WWOX: variants seen among roughly 807,000 people sequenced by gnomAD.
WWOX encodes the protein WW domain-containing oxidoreductase.
In WWOX, 69 loss-of-function variants were observed where a neutral mutation model predicts 46.2. The observed-to-expected ratio is 1.49, with a 90% confidence interval of 1.23 to 1.82. The LOEUF (loss-of-function observed/expected upper bound fraction) is 1.82, where lower values mean the gene tolerates loss of function less well. Ranked by LOEUF, WWOX falls within the 40% of genes most tolerant of loss-of-function variation. The pLI is 0.00. For missense variants in WWOX, 919 were observed against 542.6 expected (o/e 1.69, Z -6.89); for synonymous variants, 359 against 202.6 (o/e 1.77, Z -6.56).
At chr16:79,164,978 A>G (rs2050562691) in intron 8 of WWOX, among the ~76,000 whole-genome samples, 1 of 152,156 alleles carries the variant, frequency 6.6e-6, no homozygotes, top group Admixed American at 6.5e-5. Flanking sequence ...ATTCATGTAT[A>G]AACAGTAAGT....
chr16:78,998,693 C>T (rs1325042131), intron 8 of WWOX, among the ~76,000 whole-genome samples: 1 of 152,202 alleles, frequency 6.6e-6, no homozygotes, highest in Non-Finnish European at 1.5e-5. Context: ...GCATGAAGGA[C>T]TCTTTCATTA....
In WWOX at chr16:78,738,819, G is replaced by T. The variant is rs897184458; in HGVS notation, c.1056+306067G>T. ...TTGACCACAAAGCCACAGTCTCCTA[G>T]TCCTAATATTAAGAGGTAGGAGGTA... On this transcript the variant is annotated intron_variant, in intron 8 of 8. Coordinates refer to ENST00000566780, the MANE Select transcript of WWOX (RefSeq NM_016373.4). Among the ~76,000 whole-genome samples, 3 of 152,144 alleles carry T rather than the reference G, an allele frequency of 2.0e-5. No homozygotes were observed. The South Asian group carries it at 6.2e-4, about 32-fold the overall frequency.
At chr16:78,542,006 A>T (rs1156566508) in intron 8 of WWOX, among the ~76,000 whole-genome samples, 1 of 138,796 alleles carries the variant, frequency 7.2e-6, no homozygotes, top group East Asian at 2.4e-4. Flanking sequence ...GGTTTCTTTC[A>T]ACAGAGTATA....
At chr16:79,158,778 C>T (rs986852789) in intron 8 of WWOX, among the ~76,000 whole-genome samples, 1 of 152,216 alleles carries the variant, frequency 6.6e-6, no homozygotes, top group Non-Finnish European at 1.5e-5. Flanking sequence ...TCCTCCAGTT[C>T]TCAGCACTGT....
intron 5 of WWOX, among the ~76,000 whole-genome samples, chr16:78,241,894 C>T (rs372972327): frequency 7.9e-5 from 12 of 152,170 alleles, no homozygotes; most frequent in South Asian, 2.1e-4. Context: ...GGCAGCGTCA[C>T]GTAGTAGCCC....
intron 5 of WWOX, among the ~76,000 whole-genome samples, chr16:78,197,819 G>T (rs553504663): frequency 1.3e-5 from 2 of 152,252 alleles, no homozygotes; most frequent in Admixed American, 6.5e-5. Flanking sequence ...CTTGCCCGAG[G>T]CCACGCTGCT....
At chr16:78,390,213 C>G (rs1395572819) in intron 6 of WWOX, among the ~76,000 whole-genome samples, 1 of 152,192 alleles carries the variant, frequency 6.6e-6, no homozygotes, top group African/African-American at 2.4e-5. Flanking sequence ...TAACTTTGTC[C>G]AGTTCCTCTG....
intron 8 of WWOX, among the ~76,000 whole-genome samples, chr16:78,497,022 CAA>C (rs1333350007): frequency 2.0e-5 from 3 of 152,204 alleles, no homozygotes; most frequent in Non-Finnish European, 1.5e-5. Context: ...TGGAGGAAGG[CAA>C]AGTCAGAAAT....
At chr16:78,099,913 C>T (rs757412061) in intron 1 of WWOX, 28 bp downstream of exon 1, 46 of 1,549,962 alleles carry the variant, frequency 3.0e-5, no homozygotes, top group Non-Finnish European at 3.8e-5. Context: ...GGGCCGCGGA[C>T]GCACCTGGGA....
At chr16:79,167,130 C>A (rs146703074) in intron 8 of WWOX, among the ~76,000 whole-genome samples, 2 of 151,994 alleles carry the variant, frequency 1.3e-5, no homozygotes, top group African/African-American at 4.8e-5. Context: ...TTATTAGAGA[C>A]GGGGTTTTGC....
At chr16:78,225,742 CTG>C (rs1176702584) in intron 5 of WWOX, among the ~76,000 whole-genome samples, 1 of 152,152 alleles carries the variant, frequency 6.6e-6, no homozygotes, top group African/African-American at 2.4e-5. Context: ...ATTAAGAAAA[CTG>C]TGCTTCAATG....
chr16:79,061,298 A>G (rs974051612), intron 8 of WWOX, among the ~76,000 whole-genome samples: 2 of 152,206 alleles, frequency 1.3e-5, no homozygotes, highest in African/African-American at 2.4e-5. Flanking sequence ...GCTTAGTAGT[A>G]TCTTATTATA....
At chr16:78,891,724 G>C (rs1025893796) in intron 8 of WWOX, 1 of 152,152 alleles carries the variant, frequency 6.6e-6, no homozygotes, top group Admixed American at 6.5e-5. Context: ...GGTCAAGAAA[G>C]AGTCTCAGAT....
chr16:78,453,548 G>A (rs1009070468), intron 8 of WWOX, among the ~76,000 whole-genome samples: 5 of 152,180 alleles, frequency 3.3e-5, no homozygotes, highest in African/African-American at 9.7e-5. Flanking sequence ...GTTTGTTCAA[G>A]TTATATTGTG....
intron 8 of WWOX, chr16:78,898,914 TG>T (rs1239261604): frequency 1.3e-5 from 2 of 152,174 alleles, no homozygotes; most frequent in East Asian, 3.8e-4. Flanking sequence ...TCCAACTGTT[TG>T]TTTCTAATAT....
chr16:78,473,326 C>T (rs1024055659), intron 8 of WWOX, among the ~76,000 whole-genome samples: 2 of 152,170 alleles, frequency 1.3e-5, no homozygotes, highest in Admixed American at 1.3e-4. Flanking sequence ...GACAGGATTT[C>T]ACCATGTTGG....
chr16:78,987,551 C>T (rs1047142677), intron 8 of WWOX, among the ~76,000 whole-genome samples: 49 of 152,022 alleles, frequency 3.2e-4, no homozygotes, highest in Non-Finnish European at 6.5e-4. Context: ...TTAAAGCTTT[C>T]CTATAAAATA....
At chr16:78,939,718 A>G (rs1448922926) in intron 8 of WWOX, among the ~76,000 whole-genome samples, 2 of 152,250 alleles carry the variant, frequency 1.3e-5, no homozygotes, top group African/African-American at 4.8e-5. Context: ...ACCCAAGTCT[A>G]CTGGGAAAAA....
Position 78,517,300 on chromosome 16 carries a change from A to T in WWOX, c.1056+84548A>T, listed in dbSNP as rs566202069. Among the ~76,000 whole-genome samples the T allele has an allele frequency of 4.0e-4, 61 of 151,900 alleles. No individual in the cohort carries two copies. In the South Asian group the frequency reaches 0.013, roughly 32 times the overall value. On this transcript the variant is annotated intron_variant, in intron 8 of 8. Coordinates refer to ENST00000566780, the MANE Select transcript of WWOX (RefSeq NM_016373.4). Reference sequence around the variant, plus strand: ...AATGCCTTTTCTTGCTAAACTAGGAACTGTCACACACACCCACCCACCCAC... The same window carrying T: ...AATGCCTTTTCTTGCTAAACTAGGATCTGTCACACACACCCACCCACCCAC...
Sources: allele counts gnomAD v4.1 joint callset (sites outside exome capture counted in the v4.1 genomes callset), GRCh38; gene constraint gnomAD v4.1.1; transcripts MANE v1.5; gene names NCBI Gene and HGNC (gene_info 2026-07-23, HGNC 2026-07-21).